The following SPPL3 variants were observed in gnomAD, a reference collection of about 807,000 sequenced individuals.
The protein encoded by SPPL3 is signal peptide peptidase-like 3.
A neutral mutation model predicts 42.4 loss-of-function variants in SPPL3; 5 were observed. The observed-to-expected ratio is 0.12, with a 90% CI of 0.06 to 0.25. The LOEUF is 0.25. Ranked by LOEUF, SPPL3 falls within the 10% of genes least tolerant of loss-of-function variation. SPPL3 has a pLI of 1.00. For synonymous variants in SPPL3, 195 were observed against 181.8 expected, an observed-to-expected ratio of 1.07 and a Z score of -0.58; for missense variants, 235 against 489.0, an observed-to-expected ratio of 0.48 and a Z score of 4.90.
At chr12:120,819,430 T>C (rs1332075683) in intron 1 of SPPL3, among the ~76,000 whole-genome samples, 2 of 152,212 alleles carry the variant, frequency 1.3e-5, no homozygotes, top group African/African-American at 4.8e-5. Flanking sequence ...TTGGGGCTTA[T>C]GGTAGCAAAT....
At position 120,783,763 on chromosome 12, in the gene SPPL3, A is replaced by G; in HGVS notation, c.311-11T>C. On this transcript the variant is annotated splice_polypyrimidine_tract_variant and intron_variant, in intron 4 of 10. Coordinates refer to ENST00000353487, the MANE Select transcript of SPPL3 (RefSeq NM_139015.5). ...CTATCGTTGCAAGAACTAGAGAAAG[A>G]AAAGGTATAATTTTTTAAAACAATT... 6.2e-7 allele frequency: 1 copy of G among 1,611,740 alleles called. No homozygotes were observed. Among genetic ancestry groups the G allele is most frequent in the Non-Finnish European group, 8.5e-7 (1 of 1,178,618 alleles).
chr12:120,878,681 C>T (rs757364022), intron 1 of SPPL3, among the ~76,000 whole-genome samples: 9 of 152,066 alleles, frequency 5.9e-5, no homozygotes, highest in Non-Finnish European at 1.2e-4. Context: ...AAACTCAAAG[C>T]CCATATGTAA....
intron 1 of SPPL3, among the ~76,000 whole-genome samples, chr12:120,826,339 A>G (rs1369850054): frequency 6.6e-6 from 1 of 150,830 alleles, no homozygotes; most frequent in Non-Finnish European, 1.5e-5. Context: ...CAAAATTTCC[A>G]TGGGTTATGA....
intron 1 of SPPL3, among the ~76,000 whole-genome samples, chr12:120,900,923 CAAAAAAA>C (rs11432981): frequency 2.0e-5 from 2 of 101,526 alleles, no homozygotes; most frequent in African/African-American, 3.7e-5. Flanking sequence ...CCCTGTCTCA[CAAAAAAA>C]AAAAAAAAAA....
chr12:120,792,274 A>AATG (rs1184897288), intron 2 of SPPL3, among the ~76,000 whole-genome samples: 2 of 152,332 alleles, frequency 1.3e-5, no homozygotes, highest in Non-Finnish European at 2.9e-5. Context: ...GGGAACTAAA[A>AATG]ATGGCACGTC....
intron 1 of SPPL3, among the ~76,000 whole-genome samples, chr12:120,860,144 A>T (rs1447925775): frequency 6.6e-6 from 1 of 152,190 alleles, no homozygotes; most frequent in Non-Finnish European, 1.5e-5. Context: ...TCTGGGCTGC[A>T]GTGAGCCATG....
At chr12:120,841,650 T>C (rs1321393854) in intron 1 of SPPL3, among the ~76,000 whole-genome samples, 2 of 152,230 alleles carry the variant, frequency 1.3e-5, no homozygotes, top group Admixed American at 1.3e-4. Flanking sequence ...TTCTGGAATA[T>C]GAAACAAAAC....
chr12:120,766,097 C>CGT (rs1566035712), intron 10 of SPPL3, among the ~76,000 whole-genome samples, 166 bp downstream of exon 10: 53 of 77,852 alleles, frequency 6.8e-4, no homozygotes, highest in Admixed American at 1.8e-3. Flanking sequence ...GTAGCGCGCG[C>CGT]GCGCACACAC....
At chr12:120,891,508 A>G (rs1416494486) in intron 1 of SPPL3, among the ~76,000 whole-genome samples, 3 of 152,116 alleles carry the variant, frequency 2.0e-5, no homozygotes, top group African/African-American at 7.2e-5. Context: ...GAAAAAGGAG[A>G]AAAAAACGGC....
chr12:120,843,638 G>T lies in SPPL3; in HGVS notation c.24-32752C>A, dbSNP rs139943411. ...GTACACAATTTCCCCAGTTATCTTA[G>T]AAAGTCCAATGGTTTCAAAACATTT... is the stretch of plus-strand genomic sequence containing the variant. On this transcript the variant is annotated intron_variant, in intron 1 of 10. Coordinates refer to ENST00000353487, the MANE Select transcript of SPPL3 (RefSeq NM_139015.5). Among the ~76,000 whole-genome samples the T allele has an allele frequency of 2.5e-3, 378 of 152,272 alleles. 2 individuals are homozygous for T. Among genetic ancestry groups the T allele is most frequent in the African/African-American group, 8.5e-3 (353 of 41,554 alleles).
chr12:120,887,323 A>G (rs1272445832), intron 1 of SPPL3, among the ~76,000 whole-genome samples: 1 of 152,154 alleles, frequency 6.6e-6, no homozygotes. Flanking sequence ...TATACCATAT[A>G]TTATACTTCT....
In SPPL3 at chr12:120,888,127, G is replaced by A. The variant is rs143530986; in HGVS notation, c.23+15718C>T. 1.1e-4 allele frequency among the ~76,000 whole-genome samples: 16 copies of A among 152,292 alleles called. No homozygotes were observed. In the East Asian group the frequency reaches 3.1e-3, roughly 29 times the overall value. The stretch of plus-strand genomic sequence containing the variant: ...GTCTTGCTCTGTTGCCCAGGCTGGA[G>A]TGCAGTGGCACCATCTCTGCTCACT... On this transcript the variant is annotated intron_variant, in intron 1 of 10. Transcript: ENST00000353487.
At chr12:120,801,672 A>G (rs1345037832) in intron 2 of SPPL3, among the ~76,000 whole-genome samples, 1 of 152,188 alleles carries the variant, frequency 6.6e-6, no homozygotes, top group Non-Finnish European at 1.5e-5. Flanking sequence ...CCTACAGAGT[A>G]TTTCTCCCCA....
intron 1 of SPPL3, among the ~76,000 whole-genome samples, chr12:120,834,512 G>A (rs1665471464): frequency 6.6e-6 from 1 of 152,132 alleles, no homozygotes. Context: ...CGGGAGGTGG[G>A]AAGCAGAGGA....
intron 2 of SPPL3, among the ~76,000 whole-genome samples, chr12:120,808,625 T>C (rs1220907827): frequency 1.3e-5 from 2 of 152,198 alleles, no homozygotes; most frequent in Non-Finnish European, 2.9e-5. Flanking sequence ...AAAGCTATCA[T>C]CACTGTAACA....
chr12:120,799,616 C>T (rs1484427181), intron 2 of SPPL3, among the ~76,000 whole-genome samples: 1 of 152,146 alleles, frequency 6.6e-6, no homozygotes, highest in African/African-American at 2.4e-5. Flanking sequence ...AAGCATTCTT[C>T]TAGTTCTCTG....
At chr12:120,767,223 C>G (rs930001032) in intron 9 of SPPL3, among the ~76,000 whole-genome samples, 171 bp downstream of exon 9, 3 of 152,198 alleles carry the variant, frequency 2.0e-5, no homozygotes, top group African/African-American at 7.2e-5. Flanking sequence ...GGGAACTGGC[C>G]TATCCAGTAC....
chr12:120,774,651 C>G (rs1039341199), intron 6 of SPPL3, among the ~76,000 whole-genome samples: 8 of 152,028 alleles, frequency 5.3e-5, no homozygotes, highest in African/African-American at 1.9e-4. Flanking sequence ...AAATACCACT[C>G]TGACCCAGCG....
chr12:120,766,096 GCGCGCACACACACACACA>G (rs1288308685), intron 10 of SPPL3, among the ~76,000 whole-genome samples, 149 bp downstream of exon 10: 13 of 90,806 alleles, frequency 1.4e-4, no homozygotes, highest in South Asian at 4.9e-4. Context: ...GGTAGCGCGC[GCGCGCACACACACACACA>G]CACACACACA....
Sources: allele counts gnomAD v4.1 joint callset (sites outside exome capture counted in the v4.1 genomes callset), GRCh38; gene constraint gnomAD v4.1.1; transcripts MANE v1.5; gene names NCBI Gene and HGNC (gene_info 2026-07-23, HGNC 2026-07-21).